Variants in ZNF280B observed in about 807,000 individuals in gnomAD.
ZNF280B encodes the protein zinc finger protein 280B, also known as suppressor of hairy wing homolog 2.
A neutral mutation model predicts 38.0 loss-of-function variants in ZNF280B; 16 were observed. That is an observed-to-expected ratio of 0.42 (90% CI 0.28 to 0.64). ZNF280B has a LOEUF of 0.64. ZNF280B is among the 30% of genes least tolerant of loss of function. ZNF280B has a pLI of 0.21. For missense variants in ZNF280B, 581 were observed against 639.6 expected, an observed-to-expected ratio of 0.91 and a Z score of 0.99; for synonymous variants, 253 against 230.6, an observed-to-expected ratio of 1.10 and a Z score of -0.88.
chr22:22,488,618 T>C lies in ZNF280B; in HGVS notation c.781A>G (p.Lys261Glu), dbSNP rs751979845. Residue 261 changes from lysine to glutamate, a missense_variant, in exon 4 of 4, where the codon AAA becomes GAA. Coordinates refer to ENST00000626650, the MANE Select transcript of ZNF280B (RefSeq NM_080764.4). ...TNLDRANELA[K>E]TDILSLTSQN... ...CTTGTTAGACTCAAAATGTCTGTTT[T>C]TGCCAATTCATTTGCCCTATCAAGA... The C allele has an allele frequency of 1.9e-6, 3 of 1,613,920 alleles. No individual in the cohort carries two copies. Among genetic ancestry groups the C allele is most frequent in the Non-Finnish European group, 2.5e-6 (3 of 1,179,964 alleles).
chr22:22,497,704 C>A (rs767512335), intron 2 of ZNF280B, among the ~76,000 whole-genome samples: 1 of 151,966 alleles, frequency 6.6e-6, no homozygotes, highest in Non-Finnish European at 1.5e-5. Flanking sequence ...CAAATAGCTG[C>A]TGCTTCATAA....
At chr22:22,490,801 T>A (rs2061578264) in intron 3 of ZNF280B, among the ~76,000 whole-genome samples, 1 of 151,836 alleles carries the variant, frequency 6.6e-6, no homozygotes, top group Non-Finnish European at 1.5e-5. Context: ...CTAAGCTCTT[T>A]TCCTTGCTCA....
rs185161853 is a variant in ZNF280B, at chr22:22,489,433, C to G, written c.-35G>C. 9 of 1,549,110 alleles carry G rather than the reference C, an allele frequency of 5.8e-6. No homozygotes were observed. In the African/African-American group the frequency reaches 6.9e-5, roughly 12 times the overall value. ...TTTTTATTCCTGAATGGTGGGGCCA[C>G]AAGTCCCAATGCTTCCTTTATATAA... On this transcript the variant is annotated 5_prime_UTR_variant, in exon 4 of 4. Coordinates refer to ENST00000626650, the MANE Select transcript of ZNF280B (RefSeq NM_080764.4).
upstream of ZNF280B, chr22:22,508,880 C>T: frequency 6.6e-6 from 1 of 152,240 alleles, no homozygotes. Flanking sequence ...CTCTGACGCC[C>T]CTGGTGGCGA....
At position 22,487,984 on chromosome 22, in the gene ZNF280B, A is replaced by C. The variant is rs1377559277; in HGVS notation, c.1415T>G (p.Phe472Cys). ...GGTCTTGTGCTCCATTTTCTCCTTG[A>C]AAGTTAAAAACTGTAGCCGGCACTT... ...CSKCRLQFLTFKEKMEHKTQC... is the reference protein window; with the variant it reads ...CSKCRLQFLTCKEKMEHKTQC... Residue 472 changes from phenylalanine (F) to cysteine (C), a missense_variant, in exon 4 of 4, where the codon TTC becomes TGC. Transcript: ENST00000626650. The C allele has an allele frequency of 6.2e-7, 1 of 1,613,558 alleles. No homozygotes were observed. Among genetic ancestry groups the C allele is most frequent in the African/African-American group, 1.3e-5 (1 of 74,862 alleles).
Position 22,489,463 on chromosome 22 carries a change from C to T in ZNF280B, c.-65G>A. On this transcript the variant is annotated 5_prime_UTR_variant, in exon 4 of 4. Coordinates refer to ENST00000626650, the MANE Select transcript of ZNF280B (RefSeq NM_080764.4). Reference sequence around the variant, plus strand: ...CCCAATGCTTCCTTTATATAAACTGCCACCTAAGTACAAACATACATCAGT... The same window carrying T: ...CCCAATGCTTCCTTTATATAAACTGTCACCTAAGTACAAACATACATCAGT... 2 of 1,388,084 alleles carry T rather than the reference C, an allele frequency of 1.4e-6. No individual in the cohort carries two copies. Among genetic ancestry groups the T allele is most frequent in the African/African-American group, 1.4e-5 (1 of 69,262 alleles). 86.0% of individuals were successfully genotyped at this position (1,388,084 alleles called of 1,614,324 possible).
Position 22,500,250 on chromosome 22 carries a change from T to C in ZNF280B, c.-186-6070A>G, listed in dbSNP as rs1306247634. Among the ~76,000 whole-genome samples the C allele has an allele frequency of 3.0e-4, 45 of 151,820 alleles. 1 individual carries two copies. Among genetic ancestry groups the C allele is most frequent in the Non-Finnish European group, 2.9e-5 (2 of 67,998 alleles). On this transcript the variant is annotated intron_variant, in intron 2 of 3. Transcript: ENST00000626650. Reference sequence around the variant, plus strand: ...ACTTCTGGGTATATATCTAAAATAATTGAAAGCAGGGTCTCGAAGAGATAC... The same window carrying C: ...ACTTCTGGGTATATATCTAAAATAACTGAAAGCAGGGTCTCGAAGAGATAC...
At chr22:22,508,849 C>G (rs1296877256), upstream of ZNF280B, 1 of 152,054 alleles carries the variant, frequency 6.6e-6, no homozygotes, top group Non-Finnish European at 1.5e-5. Context: ...GGCGCGGCTC[C>G]GAGCTAGGAG....
chr22:22,489,405 AT>A lies in ZNF280B; in HGVS notation c.-8del. ...CCTCACATGATTGTTCCATTTTCTA[AT>A]TTTTTTATTCCTGAATGGTGGGGCC... On this transcript the variant is annotated 5_prime_UTR_variant, in exon 4 of 4. Transcript: ENST00000626650. 1.3e-6 allele frequency: 2 copies of A among 1,577,460 alleles called. No homozygotes were observed.
rs771123141 is a variant in ZNF280B, at chr22:22,488,057, T to A, written c.1342A>T (p.Met448Leu). 6.2e-7 allele frequency: 1 copy of A among 1,613,786 alleles called. No homozygotes were observed. The highest frequency in any genetic ancestry group is 8.5e-7 in the Non-Finnish European group (1 of 1,179,982). Residue 448 changes from methionine to leucine, a missense_variant, in exon 4 of 4, where the codon ATG becomes TTG. Coordinates refer to ENST00000626650, the MANE Select transcript of ZNF280B (RefSeq NM_080764.4). Reference protein sequence around the residue: ...LKIFKTATPYMCHYRGHWGKS... With the variant: ...LKIFKTATPYLCHYRGHWGKS... ...CCCCAGTGGCCCCTATAATGACACA[T>A]GTATGGTGTTGCTGTTTTGAAAATT...
At chr22:22,500,656 G>T (rs933194152) in intron 2 of ZNF280B, among the ~76,000 whole-genome samples, 4 of 151,726 alleles carry the variant, frequency 2.6e-5, no homozygotes, top group African/African-American at 9.7e-5. Flanking sequence ...AGGAGTTCGA[G>T]ATCAGCTTGG....
rs544450014 is a variant in ZNF280B at position 22,488,645 on chromosome 22, T to G, written c.754A>C (p.Asn252His). The change falls in exon 4 of 4, where the codon AAT (asparagine) becomes CAT (histidine). Residue 252 changes from asparagine to histidine, a missense_variant. Asn to His is a moderately conservative substitution (Grantham distance 68). Coordinates refer to ENST00000626650, the MANE Select transcript of ZNF280B (RefSeq NM_080764.4). Reference sequence around the variant, plus strand: ...GCCAATTCATTTGCCCTATCAAGATTTGTATTTATAGGCTTGAAATGGATA... The same window carrying G: ...GCCAATTCATTTGCCCTATCAAGATGTGTATTTATAGGCTTGAAATGGATA... ...DNIHFKPINT[N>H]LDRANELAKT... 6.2e-7 allele frequency: 1 copy of G among 1,613,844 alleles called. No individual in the cohort carries two copies. Among genetic ancestry groups the G allele is most frequent in the East Asian group, 2.2e-5 (1 of 44,786 alleles).
chr22:22,505,437 G>A (rs897091541), intron 2 of ZNF280B, among the ~76,000 whole-genome samples: 1 of 151,820 alleles, frequency 6.6e-6, no homozygotes, highest in Non-Finnish European at 1.5e-5. Flanking sequence ...GTGCTGGCAC[G>A]TGCCTGTAGT....
At chr22:22,493,000 TTTA>T (rs1165057753) in intron 3 of ZNF280B, among the ~76,000 whole-genome samples, 2 of 151,808 alleles carry the variant, frequency 1.3e-5, no homozygotes, top group African/African-American at 4.8e-5. Context: ...GATTAATTAG[TTTA>T]TTATTGTTAT....
chr22:22,494,797 C>T (rs1048686286), intron 2 of ZNF280B, among the ~76,000 whole-genome samples: 4 of 151,938 alleles, frequency 2.6e-5, no homozygotes, highest in African/African-American at 7.2e-5. Flanking sequence ...AATGCAGTGG[C>T]GCAATCTCGG....
chr22:22,493,136 G>A (rs1261256779), intron 3 of ZNF280B, among the ~76,000 whole-genome samples: 10 of 151,640 alleles, frequency 6.6e-5, no homozygotes, highest in Admixed American at 2.0e-4. Context: ...TCAGCCTCCC[G>A]TGTAGCTGGG....
At chr22:22,489,678 T>TAA (rs75673310) in intron 3 of ZNF280B, among the ~76,000 whole-genome samples, 1 of 145,572 alleles carries the variant, frequency 6.9e-6, no homozygotes, top group African/African-American at 2.6e-5. Context: ...TATTCCATTT[T>TAA]AAAAAAAAAA....
intron 2 of ZNF280B, among the ~76,000 whole-genome samples, chr22:22,504,882 T>A (rs531530667): frequency 6.6e-6 from 1 of 152,098 alleles, no homozygotes; most frequent in African/African-American, 2.4e-5. Flanking sequence ...AAAAGTTTGG[T>A]GGGCCAACAA....
rs1042620769 is a variant in ZNF280B at position 22,486,925 on chromosome 22, G to A, written c.*842C>T. 6.6e-6 allele frequency: 1 copy of A among 151,960 alleles called. No homozygotes were observed. The highest frequency in any genetic ancestry group is 1.5e-5 in the Non-Finnish European group (1 of 68,022). 9.4% of individuals were successfully genotyped at this position (151,960 alleles called of 1,614,324 possible). On this transcript the variant is annotated 3_prime_UTR_variant, in exon 4 of 4. Transcript: ENST00000626650. ...TTCAATTCCACATCCTGGCTTTTCA[G>A]AATCTTTTCAGGTTATTTTATGCCA...
Sources: allele counts gnomAD v4.1 joint callset (sites outside exome capture counted in the v4.1 genomes callset), GRCh38; gene constraint gnomAD v4.1.1; transcripts MANE v1.5; gene names NCBI Gene and HGNC (gene_info 2026-07-23, HGNC 2026-07-21).